B4GALT1: variants seen among roughly 807,000 people sequenced by gnomAD.
B4GALT1 encodes beta-1,4-galactosyltransferase 1.
Under a neutral mutation model 34.9 loss-of-function variants are expected in B4GALT1, and 16 were observed. That is an observed-to-expected ratio of 0.46 (90% CI 0.31 to 0.70). The LOEUF (loss-of-function observed/expected upper bound fraction) is 0.70. Ranked by LOEUF, B4GALT1 falls within the 30% of genes least tolerant of loss-of-function variation. The pLI is 0.05. For synonymous variants in B4GALT1, 221 were observed against 218.1 expected (o/e 1.01, Z -0.12); for missense variants, 445 against 530.5 (o/e 0.84, Z 1.58).
At chr9:33,149,185 G>GT (rs967860524) in intron 1 of B4GALT1, among the ~76,000 whole-genome samples, 3 of 132,494 alleles carry the variant, frequency 2.3e-5, no homozygotes, top group African/African-American at 9.0e-5. Flanking sequence ...ACGATGAAAG[G>GT]TAAGAAAAAA....
intron 2 of B4GALT1, among the ~76,000 whole-genome samples, chr9:33,124,685 A>G (rs1002242910): frequency 3.9e-5 from 6 of 152,196 alleles, no homozygotes; most frequent in Admixed American, 6.5e-5. Flanking sequence ...CATTACAGGA[A>G]GAGGCTTTCC....
At chr9:33,116,764 C>A (rs936495131) in intron 3 of B4GALT1, among the ~76,000 whole-genome samples, 1 of 151,940 alleles carries the variant, frequency 6.6e-6, no homozygotes, top group East Asian at 1.9e-4. Context: ...CTCAGGTGAT[C>A]CACCCACCTT....
the B4GALT1 span, among the ~76,000 whole-genome samples, chr9:33,183,831 G>A: frequency 6.6e-6 from 1 of 151,942 alleles, no homozygotes; most frequent in African/African-American, 2.4e-5. Context: ...GGAATACTAT[G>A]CAGCCATAAA....
downstream of B4GALT1, among the ~76,000 whole-genome samples, chr9:33,110,123 G>A (rs1348336164): frequency 6.6e-6 from 1 of 152,226 alleles, no homozygotes; most frequent in Non-Finnish European, 1.5e-5. Context: ...TTCTTCAGGA[G>A]TGCCAATTCA....
intron 4 of B4GALT1, among the ~76,000 whole-genome samples, chr9:33,114,753 C>T (rs1241613996): frequency 6.6e-6 from 1 of 152,220 alleles, no homozygotes; most frequent in Non-Finnish European, 1.5e-5. Flanking sequence ...CTGGCTGATC[C>T]CAGACCACTT....
Position 33,113,125 on chromosome 9 carries a change from C to T in B4GALT1, c.*329G>A. 3.0e-6 allele frequency: 1 copy of T among 333,182 alleles called. No individual in the cohort carries two copies. Among genetic ancestry groups the T allele is most frequent in the South Asian group, 3.7e-5 (1 of 26,726 alleles). The allele number at this position is 333,182 out of a possible 1,614,324, so 20.6% of individuals were successfully genotyped here. On this transcript the variant is annotated 3_prime_UTR_variant, in exon 6 of 6. Coordinates refer to ENST00000379731, the MANE Select transcript of B4GALT1 (RefSeq NM_001497.4). ...AGAAAAATTCTAACCTATTTCACGA[C>T]AATTTAGCAATTCTATCACCGGGAA...
downstream of B4GALT1, among the ~76,000 whole-genome samples, chr9:33,108,155 G>A (rs1445134277): frequency 6.6e-6 from 1 of 152,092 alleles, no homozygotes; most frequent in Non-Finnish European, 1.5e-5. Flanking sequence ...TCATAAGTAT[G>A]GTATTAACTC....
the B4GALT1 span, among the ~76,000 whole-genome samples, chr9:33,174,990 A>AATATATATATATATAT: frequency 4.8e-3 from 23 of 4,818 alleles, no homozygotes; most frequent in Admixed American, 0.014. Context: ...AAAAAAAAAA[A>AATATATATATATATAT]ATATATATAT....
chr9:33,118,923 G>A (rs780316383), intron 3 of B4GALT1, among the ~76,000 whole-genome samples: 11 of 151,672 alleles, frequency 7.3e-5, no homozygotes, highest in South Asian at 2.1e-4. Context: ...GTTCAATGGC[G>A]CGATCTCAAC....
chr9:33,152,490 T>A (rs1413507314), intron 1 of B4GALT1, among the ~76,000 whole-genome samples: 1 of 149,630 alleles, frequency 6.7e-6, no homozygotes, highest in Non-Finnish European at 1.5e-5. Context: ...TGCAAACATA[T>A]TTTTAAAACT....
At chr9:33,173,399 C>T in the B4GALT1 span, among the ~76,000 whole-genome samples, 7 of 143,942 alleles carry the variant, frequency 4.9e-5, no homozygotes, top group African/African-American at 1.0e-4. Flanking sequence ...AACGAGACTC[C>T]GTCTCAAAAA....
intron 2 of B4GALT1, among the ~76,000 whole-genome samples, chr9:33,129,616 G>T (rs547612156): frequency 6.6e-6 from 1 of 152,332 alleles, no homozygotes; most frequent in East Asian, 1.9e-4. Flanking sequence ...CAGAGAGAAA[G>T]AAGGGAGGCA....
rs1271927383 is a variant in B4GALT1 at position 33,113,882 on chromosome 9, C to T, written c.960-4G>A. On this transcript the variant is annotated splice_region_variant and splice_polypyrimidine_tract_variant and intron_variant, in intron 4 of 5. Transcript: ENST00000379731. ...AGACATGCCTCTAAAAACTAATCTG[C>T]AAAGAGTAAAGGGAAAGTCATTATC... 1 of 1,613,920 alleles carries T rather than the reference C, an allele frequency of 6.2e-7. No homozygotes were observed. The highest frequency in any genetic ancestry group is 1.7e-5 in the Admixed American group (1 of 60,028).
At chr9:33,174,991 AT>A in the B4GALT1 span, among the ~76,000 whole-genome samples, 3 of 15,280 alleles carry the variant, frequency 2.0e-4, no homozygotes, top group Admixed American at 7.8e-4. Context: ...AAAAAAAAAA[AT>A]ATATATATAT....
chr9:33,179,918 C>A, the B4GALT1 span: 1 of 152,226 alleles, frequency 6.6e-6, no homozygotes, highest in Non-Finnish European at 1.5e-5. Context: ...AAATCCATGT[C>A]TATAACTTCC....
At chr9:33,127,184 C>T (rs1022938579) in intron 2 of B4GALT1, among the ~76,000 whole-genome samples, 12 of 152,042 alleles carry the variant, frequency 7.9e-5, no homozygotes, top group South Asian at 2.1e-4. Context: ...AGGATGGTCT[C>T]GATCTCCTGA....
chr9:33,105,822 A>G (rs1420659899), downstream of B4GALT1, among the ~76,000 whole-genome samples: 1 of 148,310 alleles, frequency 6.7e-6, no homozygotes, highest in East Asian at 2.0e-4. Context: ...TTTAAGGCTG[A>G]CCGATATTCC....
At chr9:33,130,712 G>A (rs1284243182) in intron 2 of B4GALT1, among the ~76,000 whole-genome samples, 1 of 151,696 alleles carries the variant, frequency 6.6e-6, no homozygotes, top group East Asian at 2.0e-4. Flanking sequence ...TTTTGAAGAG[G>A]CTTATAGGCC....
the B4GALT1 span, among the ~76,000 whole-genome samples, chr9:33,177,743 A>G: frequency 1.3e-5 from 2 of 152,230 alleles, no homozygotes; most frequent in Non-Finnish European, 2.9e-5. Context: ...CCATTAACCC[A>G]GTGGTTTTCT....
Sources: allele counts gnomAD v4.1 joint callset (sites outside exome capture counted in the v4.1 genomes callset), GRCh38; gene constraint gnomAD v4.1.1; transcripts MANE v1.5; gene names NCBI Gene and HGNC (gene_info 2026-07-23, HGNC 2026-07-21).